MIX23: variants seen among roughly 807,000 people sequenced by gnomAD.
MIX23 encodes the protein protein MIX23.
In MIX23, 13 loss-of-function variants were observed where a neutral mutation model predicts 21.6. The ratio of observed to expected loss-of-function variants is 0.60; its 90% CI spans 0.39 to 0.96. MIX23 has a LOEUF of 0.96. Ranked by LOEUF, MIX23 falls within the 40% of genes least tolerant of loss-of-function variation. The pLI is 0.00. For synonymous variants in MIX23, 59 were observed against 58.0 expected, an observed-to-expected ratio of 1.02 and a Z score of -0.08; for missense variants, 144 against 171.2, an observed-to-expected ratio of 0.84 and a Z score of 0.89.
intron 3 of MIX23, chr3:122,366,389 G>C (rs945775695): frequency 1.3e-5 from 2 of 152,192 alleles, no homozygotes; most frequent in Non-Finnish European, 2.9e-5. Flanking sequence ...CTGAGTCCTG[G>C]ATCCAGTGAG....
At chr3:122,375,572 A>G (rs2075479245) in intron 1 of MIX23, among the ~76,000 whole-genome samples, 2 of 152,230 alleles carry the variant, frequency 1.3e-5, no homozygotes, top group South Asian at 4.1e-4. Context: ...AAACAAGAGT[A>G]GCCATGAATT....
intron 3 of MIX23, among the ~76,000 whole-genome samples, chr3:122,363,680 A>G (rs2075376076): frequency 6.6e-6 from 1 of 151,808 alleles, no homozygotes; most frequent in African/African-American, 2.4e-5. Context: ...GAGAATATAC[A>G]TGGAAGTGAT....
At chr3:122,381,527 G>C (rs1332781545) in intron 1 of MIX23, among the ~76,000 whole-genome samples, 2 of 151,940 alleles carry the variant, frequency 1.3e-5, no homozygotes, top group African/African-American at 4.8e-5. Flanking sequence ...CTGGAGTTTG[G>C]AACCAGCCTG....
At chr3:122,379,250 G>T (rs570150610) in intron 1 of MIX23, among the ~76,000 whole-genome samples, 1 of 152,108 alleles carries the variant, frequency 6.6e-6, no homozygotes, top group Admixed American at 6.5e-5. Flanking sequence ...AAGGAGATTC[G>T]AATTTTATTT....
chr3:122,381,284 G>A (rs376421695), intron 1 of MIX23, among the ~76,000 whole-genome samples: 2 of 152,166 alleles, frequency 1.3e-5, no homozygotes, highest in African/African-American at 4.8e-5. Context: ...TATCTGTTAC[G>A]GGTTGAATTG....
chr3:122,361,307 C>G (rs2107674857), intron 4 of MIX23, among the ~76,000 whole-genome samples: 1 of 152,282 alleles, frequency 6.6e-6, no homozygotes, highest in South Asian at 2.1e-4. Flanking sequence ...GCCCTTTTGT[C>G]TTACAATTCA....
intron 1 of MIX23, among the ~76,000 whole-genome samples, chr3:122,374,444 A>T (rs1447608003): frequency 6.6e-6 from 1 of 152,200 alleles, no homozygotes; most frequent in Admixed American, 6.5e-5. Flanking sequence ...TATATAACCT[A>T]TGCACATCCT....
chr3:122,372,670 AAAT>A (rs1306175272), intron 1 of MIX23, among the ~76,000 whole-genome samples: 1 of 152,078 alleles, frequency 6.6e-6, no homozygotes, highest in Admixed American at 6.6e-5. Flanking sequence ...TACAAAAAAA[AAAT>A]TTTTTTTAAT....
intron 1 of MIX23, 100 bp downstream of exon 1, chr3:122,383,074 C>T: frequency 2.0e-6 from 3 of 1,493,648 alleles, no homozygotes; most frequent in Non-Finnish European, 2.8e-6. Flanking sequence ...TTGAATTGCC[C>T]GCTTTTTCCA....
intron 4 of MIX23, among the ~76,000 whole-genome samples, chr3:122,361,401 T>C (rs2075358256): frequency 2.0e-5 from 3 of 152,154 alleles, no homozygotes; most frequent in African/African-American, 7.2e-5. Flanking sequence ...CTTGACACAC[T>C]GGTTGGGGTG....
chr3:122,375,931 A>G (rs529168207), intron 1 of MIX23, among the ~76,000 whole-genome samples: 2 of 152,082 alleles, frequency 1.3e-5, no homozygotes, highest in Admixed American at 6.5e-5. Flanking sequence ...TGGGAGGCCA[A>G]GGTGGGTGGA....
Position 122,362,957 on chromosome 3 carries a change from T to G in MIX23, c.384+11A>C, listed in dbSNP as rs2075369938. On this transcript the variant is annotated intron_variant, in intron 4 of 4. Coordinates refer to ENST00000291458, the MANE Select transcript of MIX23 (RefSeq NM_001017928.4). ...TCCTACTTCTTTCCAAACACCAACA[T>G]TATTTTATACCTTCCAGCTCCTGTC... is the stretch of plus-strand genomic sequence containing the variant. 6.2e-7 allele frequency: 1 copy of G among 1,611,408 alleles called. No individual in the cohort carries two copies. Among genetic ancestry groups the G allele is most frequent in the Non-Finnish European group, 8.5e-7 (1 of 1,177,990 alleles).
At chr3:122,365,582 T>G (rs1310490568) in intron 3 of MIX23, 1 of 152,270 alleles carries the variant, frequency 6.6e-6, no homozygotes, top group Non-Finnish European at 1.5e-5. Flanking sequence ...AACTCACTGA[T>G]TGGTTTCTAA....
intron 4 of MIX23, among the ~76,000 whole-genome samples, chr3:122,360,577 A>G (rs1324454009): frequency 6.6e-6 from 1 of 152,132 alleles, no homozygotes; most frequent in Non-Finnish European, 1.5e-5. Context: ...TTTACTGTAT[A>G]TTACTATTTT....
chr3:122,361,809 G>C (rs1447260268), intron 4 of MIX23, among the ~76,000 whole-genome samples: 1 of 152,168 alleles, frequency 6.6e-6, no homozygotes, highest in Non-Finnish European at 1.5e-5. Context: ...TTGGCAAAGA[G>C]GATAAGATAG....
At chr3:122,382,049 T>C (rs2075537064) in intron 1 of MIX23, among the ~76,000 whole-genome samples, 1 of 152,226 alleles carries the variant, frequency 6.6e-6, no homozygotes, top group East Asian at 1.9e-4. Context: ...TAATACAGTA[T>C]CTAATAAATT....
chr3:122,382,555 G>A (rs1294754729), intron 1 of MIX23, among the ~76,000 whole-genome samples: 1 of 152,100 alleles, frequency 6.6e-6, no homozygotes, highest in African/African-American at 2.4e-5. Flanking sequence ...AACTTTAATG[G>A]CAACTTGGTC....
chr3:122,369,776 G>A (rs1017119624), intron 2 of MIX23, among the ~76,000 whole-genome samples: 1 of 152,158 alleles, frequency 6.6e-6, no homozygotes, highest in Non-Finnish European at 1.5e-5. Context: ...TTGAGACAGG[G>A]TCTTGCTCTG....
intron 1 of MIX23, among the ~76,000 whole-genome samples, chr3:122,374,605 T>C (rs1419824668): frequency 1.3e-5 from 2 of 152,186 alleles, no homozygotes; most frequent in Non-Finnish European, 2.9e-5. Flanking sequence ...TTTTTTCAAC[T>C]ATCTTCGATC....
Sources: gnomAD v4.1 joint callset for allele counts (sites outside exome capture counted in the v4.1 genomes callset) on GRCh38, gnomAD v4.1.1 for gene constraint, MANE v1.5 for transcripts, NCBI Gene and HGNC (gene_info 2026-07-23, HGNC 2026-07-21) for gene names.